Variants in WRN observed in about 807,000 individuals in gnomAD.
WRN encodes the protein WRN RecQ like helicase.
Under a neutral mutation model 180.7 loss-of-function variants are expected in WRN, and 149 were observed. The ratio of observed to expected loss-of-function variants is 0.82; its 90% CI spans 0.72 to 0.94. WRN has a LOEUF of 0.94. Ranked by LOEUF, WRN falls within the 40% of genes least tolerant of loss-of-function variation. The probability of loss-of-function intolerance (pLI) is 0.00; values close to 1 mark genes in which losing one functional copy is unlikely to be tolerated. For synonymous variants in WRN, 548 were observed against 568.9 expected, an observed-to-expected ratio of 0.96 and a Z score of 0.52; for missense variants, 1,661 against 1,700.1, an observed-to-expected ratio of 0.98 and a Z score of 0.40.
chr8:31,092,855 CTT>C (rs1813808378), intron 16 of WRN, among the ~76,000 whole-genome samples: 1 of 152,146 alleles, frequency 6.6e-6, no homozygotes, highest in Non-Finnish European at 1.5e-5. Context: ...AATATTAACT[CTT>C]TTGTGTAAGA....
chr8:31,117,635 A>G (rs1246457999), intron 20 of WRN, among the ~76,000 whole-genome samples: 1 of 152,110 alleles, frequency 6.6e-6, no homozygotes, highest in African/African-American at 2.4e-5. Flanking sequence ...GAAGTTAGGA[A>G]TTTAACTTCA....
At chr8:31,159,548 A>G (rs1803526101) in intron 33 of WRN, among the ~76,000 whole-genome samples, 2 of 152,162 alleles carry the variant, frequency 1.3e-5, no homozygotes. Context: ...AAAAATTATA[A>G]TAAAATCAGA....
At chr8:31,133,457 G>A (rs969920892) in intron 24 of WRN, among the ~76,000 whole-genome samples, 13 of 152,010 alleles carry the variant, frequency 8.6e-5, no homozygotes, top group East Asian at 1.9e-4. Flanking sequence ...CGTGGGAGGC[G>A]GAGCTTGCAG....
intron 18 of WRN, among the ~76,000 whole-genome samples, chr8:31,103,295 C>T (rs190451675): frequency 3.3e-5 from 5 of 152,294 alleles, no homozygotes; most frequent in Admixed American, 2.0e-4. Context: ...TAGGTAAATA[C>T]GTAAACCAGT....
intron 23 of WRN, among the ~76,000 whole-genome samples, chr8:31,129,300 G>A (rs1802053688): frequency 6.6e-6 from 1 of 152,158 alleles, no homozygotes; most frequent in Admixed American, 6.5e-5. Flanking sequence ...TGTAAATAAA[G>A]TTTTCTCAGA....
chr8:31,134,340 G>A (rs1403512581), intron 24 of WRN, among the ~76,000 whole-genome samples: 1 of 152,086 alleles, frequency 6.6e-6, no homozygotes, highest in Non-Finnish European at 1.5e-5. Context: ...AAGAGATAAT[G>A]TATATAAATA....
chr8:31,035,715 C>A (rs1445422879), intron 1 of WRN, among the ~76,000 whole-genome samples: 1 of 152,126 alleles, frequency 6.6e-6, no homozygotes. Flanking sequence ...CAATTCCACT[C>A]AGAATTCTTT....
At chr8:31,049,615 C>T (rs934370852) in intron 1 of WRN, among the ~76,000 whole-genome samples, 9 of 151,640 alleles carry the variant, frequency 5.9e-5, no homozygotes, top group Non-Finnish European at 1.2e-4. Flanking sequence ...ATTTTCTCTT[C>T]TCTGTTTGAA....
chr8:31,160,858 C>G (rs752662678), intron 33 of WRN, among the ~76,000 whole-genome samples: 10 of 152,054 alleles, frequency 6.6e-5, no homozygotes, highest in Non-Finnish European at 1.2e-4. Flanking sequence ...GTGGCACACA[C>G]CTGTAATCCC....
chr8:31,134,405 A>G (rs1168085640), intron 24 of WRN, among the ~76,000 whole-genome samples: 2 of 152,232 alleles, frequency 1.3e-5, no homozygotes, highest in African/African-American at 4.8e-5. Flanking sequence ...TCTGAATAGT[A>G]TAAACAGTTA....
Position 31,173,211 on chromosome 8 carries a change from T to A in WRN, c.*109T>A. The A allele has an allele frequency of 9.4e-7, 1 of 1,067,768 alleles. No homozygotes were observed. The highest frequency in any genetic ancestry group is 1.4e-6 in the Non-Finnish European group (1 of 710,502). 66.1% of individuals were successfully genotyped at this position (1,067,768 alleles called of 1,614,324 possible). On this transcript the variant is annotated 3_prime_UTR_variant, in exon 35 of 35. Coordinates refer to ENST00000298139, the MANE Select transcript of WRN (RefSeq NM_000553.6). Reference sequence around the variant, plus strand: ...ATTTTGGCTTAAAAATCATTCTAATTACAAAGTTCACTGTTTATTGAAGAA... The same window carrying A: ...ATTTTGGCTTAAAAATCATTCTAATAACAAAGTTCACTGTTTATTGAAGAA...
chr8:31,106,198 T>C (rs995212741), intron 18 of WRN, among the ~76,000 whole-genome samples: 4 of 152,140 alleles, frequency 2.6e-5, no homozygotes, highest in Admixed American at 2.6e-4. Context: ...ATATGCAGAA[T>C]TAAATCACTT....
chr8:31,153,453 C>G (rs1423546540), intron 31 of WRN, among the ~76,000 whole-genome samples: 2 of 152,090 alleles, frequency 1.3e-5, no homozygotes, highest in Non-Finnish European at 2.9e-5. Context: ...TATTATGAAG[C>G]TGTAAAAGAG....
At chr8:31,094,023 T>C (rs1428572739) in intron 16 of WRN, among the ~76,000 whole-genome samples, 1 of 152,222 alleles carries the variant, frequency 6.6e-6, no homozygotes, top group Non-Finnish European at 1.5e-5. Flanking sequence ...TTGGATCGTT[T>C]CCAGTTTTGG....
intron 24 of WRN, 75 bp from the exon 25 acceptor site, chr8:31,141,355 A>G (rs1407864368): frequency 2.5e-6 from 4 of 1,569,940 alleles, no homozygotes; most frequent in Non-Finnish European, 2.6e-6. Context: ...AAGAATCAAT[A>G]GACAAGTCTG....
At chr8:31,087,647 G>C (rs1332781428) in intron 11 of WRN, 129 bp from the exon 12 acceptor site, 13 of 875,640 alleles carry the variant, frequency 1.5e-5, no homozygotes, top group Non-Finnish European at 1.8e-5. Flanking sequence ...TTCTTTTGTA[G>C]TATGGCTTGC....
intron 11 of WRN, among the ~76,000 whole-genome samples, chr8:31,087,430 C>T (rs995033608): frequency 1.5e-4 from 23 of 152,092 alleles, no homozygotes; most frequent in Admixed American, 5.9e-4. Context: ...TTAAAATCCA[C>T]GTTTACTACT....
chr8:31,169,108 A>G (rs560302020), intron 34 of WRN, among the ~76,000 whole-genome samples: 45 of 151,968 alleles, frequency 3.0e-4, no homozygotes, highest in Non-Finnish European at 5.2e-4. Flanking sequence ...TTTCTTCTTC[A>G]GGAACTCCTG....
At chr8:31,166,912 G>A in intron 33 of WRN, 110 bp from the exon 34 acceptor site, 1 of 1,133,906 alleles carries the variant, frequency 8.8e-7, no homozygotes, top group Non-Finnish European at 1.2e-6. Flanking sequence ...CTTTTCTTTG[G>A]CAACCTTCCA....
Sources: gnomAD v4.1 joint callset for allele counts (sites outside exome capture counted in the v4.1 genomes callset) on GRCh38, gnomAD v4.1.1 for gene constraint, MANE v1.5 for transcripts, NCBI Gene and HGNC (gene_info 2026-07-23, HGNC 2026-07-21) for gene names.